The following GRIN2A variants were observed in gnomAD, a reference collection of about 807,000 sequenced individuals.
GRIN2A encodes the protein glutamate receptor ionotropic, NMDA 2A.
Under a neutral mutation model 113.4 loss-of-function variants are expected in GRIN2A, and 22 were observed. The ratio of observed to expected loss-of-function variants is 0.19; its 90% CI spans 0.14 to 0.28. GRIN2A has a LOEUF of 0.28. GRIN2A is among the 10% of genes least tolerant of loss of function. The probability of loss-of-function intolerance (pLI) is 1.00; values close to 1 mark genes in which losing one functional copy is unlikely to be tolerated. For missense variants in GRIN2A, 1,502 were observed against 1,887.0 expected (o/e 0.80, Z 3.78); for synonymous variants, 827 against 738.4 (o/e 1.12, Z -1.94).
intron 2 of GRIN2A, among the ~76,000 whole-genome samples, chr16:10,127,588 G>C (rs142053141): frequency 2.0e-5 from 3 of 152,092 alleles, no homozygotes; most frequent in African/African-American, 7.2e-5. Context: ...AAGAATAATT[G>C]CCTGTTTATC....
At chr16:9,890,209 T>C (rs1173144154) in intron 4 of GRIN2A, among the ~76,000 whole-genome samples, 3 of 152,192 alleles carry the variant, frequency 2.0e-5, no homozygotes, top group Non-Finnish European at 2.9e-5. Context: ...AAAAATAAGA[T>C]AACAACGTAA....
At chr16:9,790,042 C>T (rs963279831) in intron 11 of GRIN2A, among the ~76,000 whole-genome samples, 1 of 152,204 alleles carries the variant, frequency 6.6e-6, no homozygotes, top group Non-Finnish European at 1.5e-5. Context: ...AAACAAAGCA[C>T]ATGTTTTGGA....
At chr16:10,032,063 T>C (rs1032238736) in intron 2 of GRIN2A, among the ~76,000 whole-genome samples, 1 of 152,256 alleles carries the variant, frequency 6.6e-6, no homozygotes, top group African/African-American at 2.4e-5. Context: ...TCGTATTTAC[T>C]TGCATGATAC....
At chr16:9,944,072 T>C (rs2044957610) in intron 2 of GRIN2A, among the ~76,000 whole-genome samples, 2 of 152,224 alleles carry the variant, frequency 1.3e-5, no homozygotes, top group Admixed American at 6.5e-5. Flanking sequence ...TTGGTCACTA[T>C]TGTCAACCCC....
At chr16:10,176,062 T>A (rs2050140093) in intron 2 of GRIN2A, among the ~76,000 whole-genome samples, 1 of 149,690 alleles carries the variant, frequency 6.7e-6, no homozygotes, top group African/African-American at 2.5e-5. Context: ...TAGAGCGCAG[T>A]GGCATGATGT....
chr16:9,807,302 GAGGGAGA>G, intron 10 of GRIN2A, among the ~76,000 whole-genome samples: 1 of 23,938 alleles, frequency 4.2e-5, no homozygotes, highest in Non-Finnish European at 8.5e-5. Flanking sequence ...GGGAGAGGGG[GAGGGAGA>G]GGGGGAAAAA....
intron 2 of GRIN2A, among the ~76,000 whole-genome samples, chr16:9,961,036 A>C (rs560964014): frequency 6.6e-6 from 1 of 152,220 alleles, no homozygotes; most frequent in Non-Finnish European, 1.5e-5. Context: ...AATGGATGTA[A>C]AATACTCAGC....
At position 10,177,353 on chromosome 16, in the gene GRIN2A, G is replaced by A. The variant is rs563414195; in HGVS notation, c.414+2645C>T. 3.3e-5 allele frequency among the ~76,000 whole-genome samples: 5 copies of A among 152,126 alleles called. No homozygotes were observed. The East Asian group carries it at 5.8e-4, about 18-fold the overall frequency. ...CACATGGGGACCAGACATATACCCC[G>A]ATGTTACCTCCACTGAGCTCTTTGC... On this transcript the variant is annotated intron_variant, in intron 2 of 12. Coordinates refer to ENST00000330684, the MANE Select transcript of GRIN2A (RefSeq NM_001134407.3).
chr16:9,928,060 C>A (rs968591537), intron 3 of GRIN2A, among the ~76,000 whole-genome samples: 5 of 152,180 alleles, frequency 3.3e-5, no homozygotes, highest in African/African-American at 1.2e-4. Context: ...TGTGGCTGGC[C>A]TCCCATGCCC....
intron 4 of GRIN2A, among the ~76,000 whole-genome samples, chr16:9,855,088 A>C (rs141113613): frequency 6.6e-6 from 1 of 151,926 alleles, no homozygotes; most frequent in Admixed American, 6.6e-5. Context: ...CATCAACTTC[A>C]TTGCTACAGA....
At chr16:10,057,436 C>G (rs556554787) in intron 2 of GRIN2A, among the ~76,000 whole-genome samples, 1 of 152,012 alleles carries the variant, frequency 6.6e-6, no homozygotes, top group Non-Finnish European at 1.5e-5. Context: ...TATCCAAGGC[C>G]TCTTCCCAAA....
chr16:9,762,449 C>T lies in GRIN2A; in HGVS notation c.*700G>A. 1 of 222,988 alleles carries T rather than the reference C, an allele frequency of 4.5e-6. No homozygotes were observed. The highest frequency in any genetic ancestry group is 9.0e-6 in the Non-Finnish European group (1 of 111,364). 13.8% of individuals were successfully genotyped at this position (222,988 alleles called of 1,614,324 possible). On this transcript the variant is annotated 3_prime_UTR_variant, in exon 13 of 13. Coordinates refer to ENST00000330684, the MANE Select transcript of GRIN2A (RefSeq NM_001134407.3). ...CATCCAAAGAGATTCCTGTAGCTCT[C>T]CCCACCTGAGGGTCCCTCGGGCCTT...
At chr16:10,175,479 G>A (rs763472019) in intron 2 of GRIN2A, among the ~76,000 whole-genome samples, 2 of 152,142 alleles carry the variant, frequency 1.3e-5, no homozygotes, top group Non-Finnish European at 2.9e-5. Flanking sequence ...TGTCAGTAAT[G>A]TTTACCCATG....
intron 7 of GRIN2A, among the ~76,000 whole-genome samples, chr16:9,838,900 A>G (rs778426016): frequency 6.6e-6 from 1 of 152,130 alleles, no homozygotes; most frequent in Non-Finnish European, 1.5e-5. Flanking sequence ...GACACTGGAG[A>G]CTCAGAAAGG....
At chr16:9,973,410 T>G (rs1025377753) in intron 2 of GRIN2A, among the ~76,000 whole-genome samples, 4 of 152,210 alleles carry the variant, frequency 2.6e-5, no homozygotes, top group Non-Finnish European at 4.4e-5. Flanking sequence ...TGAAGTCACT[T>G]AAGTCAGATC....
chr16:9,848,598 A>C (rs2042819164), intron 5 of GRIN2A, among the ~76,000 whole-genome samples: 1 of 148,912 alleles, frequency 6.7e-6, no homozygotes, highest in Admixed American at 6.7e-5. Flanking sequence ...TTAATGTATA[A>C]AAATATATGA....
intron 2 of GRIN2A, among the ~76,000 whole-genome samples, chr16:10,147,963 T>A (rs2049480642): frequency 6.6e-6 from 1 of 152,146 alleles, no homozygotes; most frequent in Non-Finnish European, 1.5e-5. Flanking sequence ...CACAGGACAA[T>A]TCTCATTCCT....
intron 11 of GRIN2A, among the ~76,000 whole-genome samples, chr16:9,778,669 C>T (rs2267784): frequency 0.22 from 33,047 of 152,200 alleles, 4,127 homozygotes; most frequent in East Asian, 0.54. Context: ...GGTGTTTACA[C>T]GTGCCTTTCA....
chr16:9,936,353 C>A (rs1220952706), intron 3 of GRIN2A, among the ~76,000 whole-genome samples: 1 of 152,170 alleles, frequency 6.6e-6, no homozygotes, highest in Non-Finnish European at 1.5e-5. Flanking sequence ...CTATTATCAT[C>A]ACTTTGCAAT....
Sources: allele counts gnomAD v4.1 joint callset (sites outside exome capture counted in the v4.1 genomes callset), GRCh38; gene constraint gnomAD v4.1.1; transcripts MANE v1.5; gene names NCBI Gene and HGNC (gene_info 2026-07-23, HGNC 2026-07-21).